Variants in CDH18 observed in about 807,000 individuals in gnomAD.
CDH18 encodes cadherin 18.
CDH18 carries 31 observed loss-of-function variants against 67.9 expected under a neutral mutation model. The observed-to-expected ratio is 0.46, with a 90% CI of 0.34 to 0.62. The LOEUF (loss-of-function observed/expected upper bound fraction) is 0.62. Among genes scored for constraint, CDH18 ranks in the 20% least tolerant of loss-of-function variants. The pLI, the probability that CDH18 is intolerant of heterozygous loss-of-function variation, is 0.01. For missense variants in CDH18, 890 were observed against 975.5 expected (o/e 0.91, Z 1.17); for synonymous variants, 362 against 347.2 (o/e 1.04, Z -0.48).
At chr5:19,903,354 A>T (rs993566739) in intron 2 of CDH18, among the ~76,000 whole-genome samples, 2 of 151,598 alleles carry the variant, frequency 1.3e-5, no homozygotes, top group Non-Finnish European at 2.9e-5. Flanking sequence ...TAGGTTATTA[A>T]CCTTACCACT....
At chr5:20,132,588 T>C (rs1749359706) in intron 2 of CDH18, among the ~76,000 whole-genome samples, 2 of 152,170 alleles carry the variant, frequency 1.3e-5, no homozygotes, top group South Asian at 4.1e-4. Flanking sequence ...ATTGAGCATT[T>C]TATATGATTC....
chr5:20,547,069 G>GA, intron 1 of CDH18, among the ~76,000 whole-genome samples: 1 of 151,570 alleles, frequency 6.6e-6, no homozygotes, highest in Non-Finnish European at 1.5e-5. Flanking sequence ...ACTAAAACAA[G>GA]AAACAAATTT....
chr5:19,937,507 C>T (rs868394970), intron 2 of CDH18, among the ~76,000 whole-genome samples: 2 of 151,388 alleles, frequency 1.3e-5, no homozygotes, highest in Non-Finnish European at 3.0e-5. Flanking sequence ...TGGAATTTTT[C>T]AATTAGTTTT....
intron 1 of CDH18, among the ~76,000 whole-genome samples, chr5:20,308,713 T>C (rs1158274084): frequency 6.6e-6 from 1 of 152,202 alleles, no homozygotes; most frequent in Non-Finnish European, 1.5e-5. Flanking sequence ...AAACATTACA[T>C]GTTTATCATC....
chr5:19,586,263 G>C (rs141026548), intron 7 of CDH18, among the ~76,000 whole-genome samples: 6,188 of 152,006 alleles, frequency 0.041, 422 homozygotes, highest in African/African-American at 0.14. Context: ...TGTTACATAG[G>C]TAAACATGTG....
At chr5:20,486,446 T>C (rs1753184299) in intron 1 of CDH18, among the ~76,000 whole-genome samples, 1 of 152,028 alleles carries the variant, frequency 6.6e-6, no homozygotes. Flanking sequence ...GTTTCTCTTA[T>C]TTCATAGGCA....
rs1737642386 is a variant in CDH18 at position 19,471,433 on chromosome 5, T to C, written c.*1793A>G. ...AGGGCAATTGCAAACAGAGGTAAAATCCAAAATTTTGCACATGGGTAGAAA... is the reference window on the plus strand; with the variant it reads ...AGGGCAATTGCAAACAGAGGTAAAACCCAAAATTTTGCACATGGGTAGAAA... On this transcript the variant is annotated 3_prime_UTR_variant, in exon 13 of 13. Coordinates refer to ENST00000382275, the MANE Select transcript of CDH18 (RefSeq NM_004934.5). Among the ~76,000 whole-genome samples, 3 of 152,034 alleles carry C rather than the reference T, an allele frequency of 2.0e-5. No individual in the cohort carries two copies. Among genetic ancestry groups the C allele is most frequent in the Non-Finnish European group, 2.9e-5 (2 of 67,994 alleles).
intron 1 of CDH18, among the ~76,000 whole-genome samples, chr5:20,524,014 AC>A (rs1292092904): frequency 1.3e-5 from 2 of 152,192 alleles, no homozygotes; most frequent in Non-Finnish European, 2.9e-5. Flanking sequence ...TTAGAAACTC[AC>A]CTATTTTGTG....
intron 6 of CDH18, among the ~76,000 whole-genome samples, chr5:19,609,927 GC>G (rs1748673868): frequency 1.3e-5 from 2 of 152,148 alleles, no homozygotes; most frequent in South Asian, 2.1e-4. Flanking sequence ...TTTTCTCCAA[GC>G]AGTTTACAAT....
chr5:20,574,435 A>G (rs938105449), intron 1 of CDH18, among the ~76,000 whole-genome samples: 1 of 151,946 alleles, frequency 6.6e-6, no homozygotes, highest in Non-Finnish European at 1.5e-5. Flanking sequence ...ACTTCACTCA[A>G]AAGGACAGTC....
intron 3 of CDH18, among the ~76,000 whole-genome samples, chr5:19,777,682 T>C (rs1422860025): frequency 6.6e-6 from 1 of 152,222 alleles, no homozygotes; most frequent in Non-Finnish European, 1.5e-5. Context: ...AATTGCCAAA[T>C]AAATATCTTA....
At chr5:20,492,957 G>A (rs936213966) in intron 1 of CDH18, among the ~76,000 whole-genome samples, 1 of 152,094 alleles carries the variant, frequency 6.6e-6, no homozygotes, top group Non-Finnish European at 1.5e-5. Context: ...ATCTGATCAA[G>A]AAAACTTGAA....
At chr5:19,564,857 A>G (rs79911158) in intron 8 of CDH18, among the ~76,000 whole-genome samples, 2,244 of 151,776 alleles carry the variant, frequency 0.015, 57 homozygotes, top group African/African-American at 0.051. Flanking sequence ...GACTCAGTCC[A>G]GGCAGTGTTC....
At chr5:19,758,026 C>A (rs573622603) in intron 3 of CDH18, among the ~76,000 whole-genome samples, 1 of 152,278 alleles carries the variant, frequency 6.6e-6, no homozygotes, top group Admixed American at 6.5e-5. Flanking sequence ...AGGGAACCTC[C>A]CATGAGGCCT....
rs139649065 is a variant in CDH18 at position 20,450,661 on chromosome 5, G to A, written c.-580+124801C>T. On this transcript the variant is annotated intron_variant, in intron 1 of 14. Transcript: ENST00000507958. ...TCTTAGCTGTATTCTCCTGGTATAT[G>A]CATCTATATGGATAGACAATTAAAA... Among the ~76,000 whole-genome samples, 3 of 152,222 alleles carry A rather than the reference G, an allele frequency of 2.0e-5. No homozygotes were observed. In the East Asian group the frequency reaches 5.8e-4, roughly 29 times the overall value.
intron 2 of CDH18, among the ~76,000 whole-genome samples, chr5:20,125,451 G>T (rs1309992382): frequency 6.6e-6 from 1 of 152,048 alleles, no homozygotes; most frequent in Admixed American, 6.5e-5. Context: ...CTTATATGTA[G>T]AATATATGCT....
intron 2 of CDH18, among the ~76,000 whole-genome samples, chr5:19,930,561 T>C (rs1045476703): frequency 1.3e-5 from 2 of 152,042 alleles, no homozygotes; most frequent in African/African-American, 2.4e-5. Flanking sequence ...GGAGGAAATA[T>C]TGATCATGTG....
chr5:20,018,333 T>C (rs1738072392), intron 2 of CDH18, among the ~76,000 whole-genome samples: 1 of 152,134 alleles, frequency 6.6e-6, no homozygotes, highest in Non-Finnish European at 1.5e-5. Flanking sequence ...TAATTATAAG[T>C]AAAAATAGGC....
chr5:20,040,984 T>C (rs945265437), intron 2 of CDH18, among the ~76,000 whole-genome samples: 2 of 152,214 alleles, frequency 1.3e-5, no homozygotes, highest in African/African-American at 4.8e-5. Flanking sequence ...TTTTATATAC[T>C]GATCATCTCA....
Sources: gnomAD v4.1 joint callset for allele counts (sites outside exome capture counted in the v4.1 genomes callset) on GRCh38, gnomAD v4.1.1 for gene constraint, MANE v1.5 for transcripts, NCBI Gene and HGNC (gene_info 2026-07-23, HGNC 2026-07-21) for gene names.